The following GALNT17 variants were observed in gnomAD, a reference collection of about 807,000 sequenced individuals.
GALNT17 encodes the protein UDP-GalNAc:polypeptide N-acetylgalactosaminyltransferase-like 3.
Under a neutral mutation model 63.7 loss-of-function variants are expected in GALNT17, and 29 were observed. That is an observed-to-expected ratio of 0.46 (90% CI 0.34 to 0.62). GALNT17 has a LOEUF of 0.62. Ranked by LOEUF, GALNT17 falls within the 20% of genes least tolerant of loss-of-function variation. The probability of loss-of-function intolerance (pLI) is 0.01; values close to 1 mark genes in which losing one functional copy is unlikely to be tolerated. For missense variants in GALNT17, 603 were observed against 799.6 expected (o/e 0.75, Z 2.97); for synonymous variants, 305 against 318.3 (o/e 0.96, Z 0.45).
At chr7:71,498,868 T>C (rs1788135964) in intron 5 of GALNT17, among the ~76,000 whole-genome samples, 1 of 152,226 alleles carries the variant, frequency 6.6e-6, no homozygotes, top group Non-Finnish European at 1.5e-5. Flanking sequence ...CCTTCCTAAC[T>C]CTGAGATTCT....
At chr7:71,509,513 C>G (rs1051923336) in intron 5 of GALNT17, among the ~76,000 whole-genome samples, 1 of 152,180 alleles carries the variant, frequency 6.6e-6, no homozygotes, top group Admixed American at 6.5e-5. Context: ...GTATGTTGAC[C>G]AAGTGGGTAT....
At chr7:71,358,146 T>C (rs1792324494) in intron 2 of GALNT17, among the ~76,000 whole-genome samples, 1 of 152,172 alleles carries the variant, frequency 6.6e-6, no homozygotes, top group African/African-American at 2.4e-5. Flanking sequence ...ACACTCACCA[T>C]GAAGATCCGC....
chr7:71,277,501 A>G (rs1345742836), intron 1 of GALNT17, among the ~76,000 whole-genome samples: 1 of 152,226 alleles, frequency 6.6e-6, no homozygotes, highest in East Asian at 1.9e-4. Context: ...GAAGAAAACA[A>G]AATATATTTT....
At chr7:71,421,508 A>G (rs1030496047) in intron 5 of GALNT17, among the ~76,000 whole-genome samples, 1 of 152,198 alleles carries the variant, frequency 6.6e-6, no homozygotes, top group African/African-American at 2.4e-5. Context: ...ACAAGATCAT[A>G]TAGAAAAGGA....
Position 71,704,845 on chromosome 7 carries a change from T to C in GALNT17, c.1501-5916T>C, listed in dbSNP as rs116222067. On this transcript the variant is annotated intron_variant, in intron 9 of 10. Coordinates refer to ENST00000333538, the MANE Select transcript of GALNT17 (RefSeq NM_022479.3). ...AGAGTGAATTTGGACCTCAACCTTA[T>C]ACTATACAGAAAAAAAATTCAAAGG... Among the ~76,000 whole-genome samples, 1,063 of 151,168 alleles carry C rather than the reference T, an allele frequency of 7.0e-3. 8 individuals are homozygous for C. Among genetic ancestry groups the C allele is most frequent in the African/African-American group, 0.024 (989 of 40,528 alleles).
chr7:71,395,639 G>T (rs185774173), intron 3 of GALNT17, among the ~76,000 whole-genome samples: 1 of 152,236 alleles, frequency 6.6e-6, no homozygotes, highest in Non-Finnish European at 1.5e-5. Flanking sequence ...TAATTCTGTG[G>T]TTAACTTTTT....
intron 4 of GALNT17, among the ~76,000 whole-genome samples, chr7:71,418,873 G>A (rs1180714641): frequency 6.6e-6 from 1 of 152,132 alleles, no homozygotes; most frequent in Non-Finnish European, 1.5e-5. Flanking sequence ...TGAGGCGGGC[G>A]GATCACCTGA....
At chr7:71,440,521 T>C (rs1034772994) in intron 5 of GALNT17, among the ~76,000 whole-genome samples, 4 of 151,940 alleles carry the variant, frequency 2.6e-5, no homozygotes, top group African/African-American at 7.3e-5. Context: ...ATTACAGGCA[T>C]GTGCCACCAT....
At chr7:71,263,918 C>T (rs1177996122) in intron 1 of GALNT17, among the ~76,000 whole-genome samples, 2 of 152,084 alleles carry the variant, frequency 1.3e-5, no homozygotes, top group Non-Finnish European at 2.9e-5. Flanking sequence ...AGCGACATTC[C>T]GTCCCAAAAA....
intron 9 of GALNT17, among the ~76,000 whole-genome samples, chr7:71,696,888 A>G (rs1791553819): frequency 6.6e-6 from 1 of 152,214 alleles, no homozygotes; most frequent in Non-Finnish European, 1.5e-5. Context: ...AATGGGTATA[A>G]TGCTGCTAAA....
At chr7:71,703,481 C>T (rs545118183) in intron 9 of GALNT17, among the ~76,000 whole-genome samples, 1 of 152,302 alleles carries the variant, frequency 6.6e-6, no homozygotes, top group South Asian at 2.1e-4. Context: ...GGGGATGGTG[C>T]TTAAACCATT....
intron 5 of GALNT17, among the ~76,000 whole-genome samples, chr7:71,547,902 G>A (rs1055427026): frequency 1.1e-4 from 17 of 151,934 alleles, no homozygotes; most frequent in African/African-American, 4.1e-4. Flanking sequence ...TGTGTGAATC[G>A]ATTTAGTTGA....
intron 5 of GALNT17, among the ~76,000 whole-genome samples, chr7:71,544,297 ATTTTTT>A (rs754061155): frequency 8.6e-6 from 1 of 116,922 alleles, no homozygotes; most frequent in Admixed American, 9.5e-5. Flanking sequence ...ACGCCCGGCT[ATTTTTT>A]TTTTTTTTTT....
At chr7:71,605,431 C>T (rs1773557185) in intron 6 of GALNT17, among the ~76,000 whole-genome samples, 1 of 151,802 alleles carries the variant, frequency 6.6e-6, no homozygotes. Flanking sequence ...ACTAAAAATA[C>T]AAAAATTAGC....
intron 6 of GALNT17, among the ~76,000 whole-genome samples, chr7:71,594,638 G>T (rs1789860363): frequency 6.6e-6 from 1 of 152,180 alleles, no homozygotes; most frequent in South Asian, 2.1e-4. Flanking sequence ...AAGATAGGAA[G>T]AGATCTATGC....
intron 5 of GALNT17, among the ~76,000 whole-genome samples, chr7:71,434,883 G>C (rs1786930843): frequency 6.6e-6 from 1 of 152,050 alleles, no homozygotes; most frequent in Admixed American, 6.6e-5. Flanking sequence ...AGAGATAGAT[G>C]GTAAAAAACA....
chr7:71,388,275 T>C lies in GALNT17; in HGVS notation c.463T>C (p.Ser155Pro), dbSNP rs1432268892. Residue 155 changes from serine (S) to proline (P), a missense_variant, in exon 3 of 11, where the codon TCC (serine) becomes CCC (proline). Physicochemically the swap from Ser to Pro is moderately conservative, Grantham distance 74 (BLOSUM62 -1). Coordinates refer to ENST00000333538, the MANE Select transcript of GALNT17 (RefSeq NM_022479.3). ...GTACTCCAAGGACCTGCCCCAGATA[T>C]CCATCATATTCATCTTCGTGAACGA... ...LKYSKDLPQI[S>P]IIFIFVNEAL... The C allele has an allele frequency of 6.2e-7, 1 of 1,613,994 alleles. No homozygotes were observed. Among genetic ancestry groups the C allele is most frequent in the South Asian group, 1.1e-5 (1 of 91,066 alleles).
At chr7:71,250,272 G>A (rs1450039855) in intron 1 of GALNT17, among the ~76,000 whole-genome samples, 2 of 152,054 alleles carry the variant, frequency 1.3e-5, no homozygotes, top group Non-Finnish European at 2.9e-5. Context: ...TGTCATCCAA[G>A]AATAGGCCAT....
intron 3 of GALNT17, among the ~76,000 whole-genome samples, chr7:71,392,243 G>A (rs1409406616): frequency 1.3e-5 from 2 of 152,174 alleles, no homozygotes; most frequent in East Asian, 3.8e-4. Flanking sequence ...GGGAGGTGAA[G>A]AGAGCACCAG....
Sources: allele counts gnomAD v4.1 joint callset (sites outside exome capture counted in the v4.1 genomes callset), GRCh38; gene constraint gnomAD v4.1.1; transcripts MANE v1.5; gene names NCBI Gene and HGNC (gene_info 2026-07-23, HGNC 2026-07-21).